The following ADCY2 variants were observed in gnomAD, a reference collection of about 807,000 sequenced individuals.
ADCY2 encodes the protein adenylate cyclase 2.
In ADCY2, 31 loss-of-function variants were observed where a neutral mutation model predicts 125.2. The observed-to-expected ratio is 0.25, with a 90% CI of 0.19 to 0.33. The LOEUF (loss-of-function observed/expected upper bound fraction) is 0.33, where lower values mean the gene tolerates loss of function less well. Among genes scored for constraint, ADCY2 ranks in the 10% least tolerant of loss-of-function variants. The pLI is 1.00. For missense variants in ADCY2, 904 were observed against 1,418.2 expected, an observed-to-expected ratio of 0.64 and a Z score of 5.82; for synonymous variants, 512 against 548.4, an observed-to-expected ratio of 0.93 and a Z score of 0.93.
chr5:7,815,372 G>A (rs1005349606), intron 22 of ADCY2, among the ~76,000 whole-genome samples: 3 of 152,166 alleles, frequency 2.0e-5, no homozygotes, highest in Non-Finnish European at 4.4e-5. Context: ...CGGCCAAGCA[G>A]CCATGCCCGG....
At chr5:7,580,499 G>A (rs1182782390) in intron 3 of ADCY2, among the ~76,000 whole-genome samples, 1 of 152,134 alleles carries the variant, frequency 6.6e-6, no homozygotes, top group African/African-American at 2.4e-5. Context: ...CAGAAGAATA[G>A]TATTGAACAT....
chr5:7,497,670 G>A (rs4333285), intron 2 of ADCY2, among the ~76,000 whole-genome samples: 97,324 of 151,822 alleles, frequency 0.64, 31,824 homozygotes, highest in Non-Finnish European at 0.69. Context: ...AAACTTTCAC[G>A]TACAAGCTAC....
intron 3 of ADCY2, among the ~76,000 whole-genome samples, chr5:7,619,254 G>A (rs907019419): frequency 6.6e-6 from 1 of 152,210 alleles, no homozygotes; most frequent in Non-Finnish European, 1.5e-5. Context: ...TCTGGACAGA[G>A]ACTAATGCTC....
At chr5:7,664,056 A>C (rs2126696175) in intron 4 of ADCY2, among the ~76,000 whole-genome samples, 1 of 152,348 alleles carries the variant, frequency 6.6e-6, no homozygotes, top group African/African-American at 2.4e-5. Flanking sequence ...TTCCAGGTTT[A>C]GCATGACAAA....
intron 4 of ADCY2, among the ~76,000 whole-genome samples, chr5:7,645,003 C>T (rs1269332420): frequency 6.6e-6 from 1 of 152,104 alleles, no homozygotes; most frequent in African/African-American, 2.4e-5. Context: ...ACAATTCTGT[C>T]CTTGTTATGA....
At chr5:7,519,241 G>GT in intron 2 of ADCY2, among the ~76,000 whole-genome samples, 1 of 152,164 alleles carries the variant, frequency 6.6e-6, no homozygotes, top group Non-Finnish European at 1.5e-5. Context: ...AAGAAGCCTG[G>GT]TTTTCTCCCA....
intron 16 of ADCY2, among the ~76,000 whole-genome samples, chr5:7,759,923 T>C (rs1169546508): frequency 1.1e-5 from 1 of 87,108 alleles, no homozygotes; most frequent in Non-Finnish European, 2.3e-5. Flanking sequence ...GGGGTGGGGG[T>C]GGTGGGGAGT....
At chr5:7,397,958 T>G (rs1349688685) in intron 1 of ADCY2, among the ~76,000 whole-genome samples, 1 of 152,200 alleles carries the variant, frequency 6.6e-6, no homozygotes, top group African/African-American at 2.4e-5. Flanking sequence ...TCTTTACTAC[T>G]TTTAGGAACA....
chr5:7,759,386 T>C, intron 16 of ADCY2, among the ~76,000 whole-genome samples: 1 of 152,154 alleles, frequency 6.6e-6, no homozygotes, highest in South Asian at 2.1e-4. Context: ...GTTCAAAGGC[T>C]CATCTGTTGC....
intron 2 of ADCY2, among the ~76,000 whole-genome samples, chr5:7,496,927 C>G (rs955492672): frequency 6.6e-6 from 1 of 152,046 alleles, no homozygotes; most frequent in African/African-American, 2.4e-5. Flanking sequence ...TGGCATTAAT[C>G]GTTTTAGGTC....
chr5:7,558,889 T>C (rs956382822), intron 3 of ADCY2, among the ~76,000 whole-genome samples: 5 of 152,092 alleles, frequency 3.3e-5, no homozygotes, highest in African/African-American at 1.2e-4. Flanking sequence ...CTGGTTTCAA[T>C]CTTCTGCATA....
chr5:7,747,123 C>T (rs1202286140), intron 15 of ADCY2, among the ~76,000 whole-genome samples: 2 of 152,164 alleles, frequency 1.3e-5, no homozygotes, highest in Non-Finnish European at 2.9e-5. Context: ...CCTCCATCGG[C>T]CCCTTCACTC....
intron 1 of ADCY2, among the ~76,000 whole-genome samples, chr5:7,400,967 C>T (rs1006852860): frequency 5.9e-5 from 9 of 152,198 alleles, no homozygotes; most frequent in African/African-American, 2.2e-4. Flanking sequence ...ATACATGGCA[C>T]CTTCCTTTCC....
At chr5:7,530,514 A>G (rs1335380319) in intron 3 of ADCY2, among the ~76,000 whole-genome samples, 3 of 152,070 alleles carry the variant, frequency 2.0e-5, no homozygotes, top group Non-Finnish European at 4.4e-5. Flanking sequence ...CAAAGGAGGA[A>G]TCTTGGCTGG....
intron 2 of ADCY2, among the ~76,000 whole-genome samples, chr5:7,446,851 C>G (rs1322863090): frequency 6.6e-6 from 1 of 152,148 alleles, no homozygotes; most frequent in Non-Finnish European, 1.5e-5. Flanking sequence ...CTATATTTTT[C>G]TTTTGCATTT....
chr5:7,736,559 CA>C (rs1284134240), intron 14 of ADCY2, among the ~76,000 whole-genome samples: 1 of 151,982 alleles, frequency 6.6e-6, no homozygotes, highest in East Asian at 1.9e-4. Flanking sequence ...GATACATTCA[CA>C]AAAAAATGTT....
chr5:7,679,292 G>A (rs892549213), intron 4 of ADCY2, among the ~76,000 whole-genome samples: 4 of 152,024 alleles, frequency 2.6e-5, no homozygotes, highest in Admixed American at 1.3e-4. Flanking sequence ...CTCCAGTGCG[G>A]GTCTGAGGCT....
rs779843340 is a variant in ADCY2 at position 7,802,374 on chromosome 5, G to A, written c.2775+10G>A. The A allele has an allele frequency of 6.2e-7, 1 of 1,613,510 alleles. No homozygotes were observed. The highest frequency in any genetic ancestry group is 1.7e-5 in the Admixed American group (1 of 59,984). ...CGCTGACTTTGATGATGTAGGTACT[G>A]AGAGTTGCCCTCGAAGGGCAGCAGT... On this transcript the variant is annotated intron_variant, in intron 21 of 24. Coordinates refer to ENST00000338316, the MANE Select transcript of ADCY2 (RefSeq NM_020546.3). The surrounding 1 kb of genome is among the most constrained non-coding windows in gnomAD (Gnocchi z 4.6).
intron 2 of ADCY2, among the ~76,000 whole-genome samples, chr5:7,511,371 C>G (rs1457349428): frequency 6.6e-6 from 1 of 152,004 alleles, no homozygotes; most frequent in Non-Finnish European, 1.5e-5. Context: ...GTCAGGAGAT[C>G]GAGACCATCC....
Sources: allele counts gnomAD v4.1 joint callset (sites outside exome capture counted in the v4.1 genomes callset), GRCh38; gene constraint gnomAD v4.1.1; non-coding constraint Gnocchi (gnomAD v3.1); transcripts MANE v1.5; gene names NCBI Gene and HGNC (gene_info 2026-07-23, HGNC 2026-07-21).